Variants in ARID1B observed in about 807,000 individuals in gnomAD.
The protein encoded by ARID1B is AT-rich interaction domain 1B, also known as AT-rich interactive domain-containing protein 1B.
In ARID1B, 30 loss-of-function variants were observed where a neutral mutation model predicts 212.3. The observed-to-expected ratio is 0.14, with a 90% CI of 0.11 to 0.19. ARID1B has a LOEUF of 0.19. ARID1B is among the 10% of genes least tolerant of loss of function. The probability of loss-of-function intolerance (pLI) is 1.00; values close to 1 mark genes in which losing one functional copy is unlikely to be tolerated. For missense variants in ARID1B, 2,891 were observed against 3,204.0 expected, an observed-to-expected ratio of 0.90 and a Z score of 2.36; for synonymous variants, 1,402 against 1,301.7, an observed-to-expected ratio of 1.08 and a Z score of -1.66.
intron 4 of ARID1B, among the ~76,000 whole-genome samples, chr6:156,977,854 C>G (rs757076279): frequency 4.6e-5 from 7 of 152,104 alleles, no homozygotes; most frequent in Admixed American, 6.5e-5. Flanking sequence ...CAGCTTGATC[C>G]TTTTGGGTCT....
intron 4 of ARID1B, among the ~76,000 whole-genome samples, chr6:157,018,468 C>T (rs1383655774): frequency 6.6e-6 from 1 of 152,068 alleles, no homozygotes; most frequent in East Asian, 1.9e-4. Flanking sequence ...TCCGCCTTGC[C>T]CTCCAAAAGT....
chr6:157,049,233 G>A (rs1187809715), intron 4 of ARID1B, among the ~76,000 whole-genome samples: 1 of 151,974 alleles, frequency 6.6e-6, no homozygotes, highest in African/African-American at 2.4e-5. Flanking sequence ...GCCCAGCAAG[G>A]CCACTCTGCC....
In ARID1B at chr6:157,181,139, A is replaced by T; in HGVS notation, c.3675A>T (p.Arg1225=). Residue 1225 remains arginine (R), a synonymous_variant, in exon 12 of 20, where the codon CGA becomes CGT. Transcript: ENST00000636930. Reference sequence around the variant, plus strand: ...GCAAGAAGCCCCTGGACCTGTTCCGACTCTACGTCTGCGTCAAAGAGATCG... The same window carrying T: ...GCAAGAAGCCCCTGGACCTGTTCCGTCTCTACGTCTGCGTCAAAGAGATCG... ...AVGKKPLDLF[R]LYVCVKEIGG... The T allele has an allele frequency of 1.9e-6, 3 of 1,614,064 alleles. No individual in the cohort carries two copies. The highest frequency in any genetic ancestry group is 2.5e-6 in the Non-Finnish European group (3 of 1,180,010).
chr6:157,080,475 TGAGA>T (rs1784571823), intron 4 of ARID1B, among the ~76,000 whole-genome samples: 2 of 152,228 alleles, frequency 1.3e-5, no homozygotes, highest in Non-Finnish European at 2.9e-5. Context: ...TCTGTAGGCA[TGAGA>T]GAGTCTTTAT....
At chr6:156,951,273 C>A (rs986531742) in intron 4 of ARID1B, among the ~76,000 whole-genome samples, 1 of 151,832 alleles carries the variant, frequency 6.6e-6, no homozygotes, top group Non-Finnish European at 1.5e-5. Flanking sequence ...CTGCTCCAAG[C>A]GGATTACAAA....
At chr6:156,877,707 C>A (rs1181642127) in intron 2 of ARID1B, among the ~76,000 whole-genome samples, 2 of 150,922 alleles carry the variant, frequency 1.3e-5, no homozygotes, top group Non-Finnish European at 3.0e-5. Flanking sequence ...CCATATTTAT[C>A]CTTTTTTTTT....
intron 1 of ARID1B, among the ~76,000 whole-genome samples, chr6:156,793,328 G>C (rs922744323): frequency 6.6e-6 from 1 of 152,142 alleles, no homozygotes. Flanking sequence ...CCGTGAGTCA[G>C]CAGCTGAGCA....
At chr6:156,931,122 A>G (rs370007840) in intron 3 of ARID1B, among the ~76,000 whole-genome samples, 43 of 146,614 alleles carry the variant, frequency 2.9e-4, no homozygotes, top group South Asian at 8.8e-4. Context: ...ACCGGGAGGC[A>G]GTGCTTGCAG....
intron 4 of ARID1B, among the ~76,000 whole-genome samples, chr6:157,064,089 C>T (rs1022102702): frequency 6.6e-6 from 1 of 152,172 alleles, no homozygotes; most frequent in African/African-American, 2.4e-5. Flanking sequence ...AGTAGGAATC[C>T]CATTCTGGTT....
At chr6:156,936,062 G>A (rs12661320) in intron 4 of ARID1B, 3,644 of 153,198 alleles carry the variant, frequency 0.024, 203 homozygotes, top group East Asian at 0.23. Context: ...GAAATTTGAG[G>A]CCAGACGCGG....
intron 1 of ARID1B, among the ~76,000 whole-genome samples, chr6:156,803,109 A>C (rs1368559618): frequency 1.3e-5 from 2 of 152,130 alleles, no homozygotes; most frequent in Non-Finnish European, 2.9e-5. Context: ...GGTATATGTA[A>C]AGAGTATAGG....
At chr6:156,888,870 C>T (rs185738557) in intron 2 of ARID1B, among the ~76,000 whole-genome samples, 13 of 152,214 alleles carry the variant, frequency 8.5e-5, no homozygotes, top group East Asian at 5.8e-4. Context: ...TTATGAGTCT[C>T]GCATTTAAAA....
At chr6:156,790,430 T>C (rs1779931192) in intron 1 of ARID1B, among the ~76,000 whole-genome samples, 1 of 152,218 alleles carries the variant, frequency 6.6e-6, no homozygotes, top group Non-Finnish European at 1.5e-5. Context: ...TTACTTAGTA[T>C]TCCATTTAAT....
At chr6:157,054,132 A>G (rs560168490) in intron 4 of ARID1B, among the ~76,000 whole-genome samples, 143 of 151,560 alleles carry the variant, frequency 9.4e-4, no homozygotes, top group Non-Finnish European at 1.6e-3. Context: ...GCTGAGGCAG[A>G]AGAATCGCTT....
intron 8 of ARID1B, among the ~76,000 whole-genome samples, chr6:157,161,046 T>G (rs146712551): frequency 3.3e-5 from 5 of 152,328 alleles, no homozygotes; most frequent in African/African-American, 1.2e-4. Flanking sequence ...CCCATACTTA[T>G]CTTAAAATAC....
intron 4 of ARID1B, chr6:156,940,471 AAGGAAGGAGGT>A (rs1450203964): frequency 1.3e-5 from 2 of 152,192 alleles, no homozygotes; most frequent in African/African-American, 4.8e-5. Flanking sequence ...CTCTTTGTGA[AAGGAAGGAGGT>A]AGTAAATGCT....
intron 7 of ARID1B, among the ~76,000 whole-genome samples, chr6:157,136,253 C>A (rs1368894427): frequency 6.6e-6 from 1 of 152,166 alleles, no homozygotes; most frequent in Non-Finnish European, 1.5e-5. Context: ...GGCTGATTCA[C>A]CCATTCTCTT....
intron 3 of ARID1B, chr6:156,901,874 C>T (rs562458623): frequency 1.1e-5 from 3 of 275,266 alleles, no homozygotes; most frequent in South Asian, 1.4e-4. Flanking sequence ...TTTTATCAAT[C>T]ATTTAATCCT....
At chr6:156,957,057 A>G (rs2128314999) in intron 4 of ARID1B, among the ~76,000 whole-genome samples, 1 of 152,318 alleles carries the variant, frequency 6.6e-6, no homozygotes, top group African/African-American at 2.4e-5. Context: ...GCTGGCATTT[A>G]AAATTACCTC....
Sources: allele counts gnomAD v4.1 joint callset (sites outside exome capture counted in the v4.1 genomes callset), GRCh38; gene constraint gnomAD v4.1.1; transcripts MANE v1.5; gene names NCBI Gene and HGNC (gene_info 2026-07-23, HGNC 2026-07-21).